B3GALT1: variants seen among roughly 807,000 people sequenced by gnomAD.
The protein encoded by B3GALT1 is beta-1,3-galactosyltransferase 1.
In B3GALT1, 10 loss-of-function variants were observed where a neutral mutation model predicts 23.2. That is an observed-to-expected ratio of 0.43 (90% CI 0.27 to 0.73). B3GALT1 has a LOEUF of 0.73. Among genes scored for constraint, B3GALT1 ranks in the 30% least tolerant of loss-of-function variants. The pLI is 0.21. For missense variants in B3GALT1, 299 were observed against 405.4 expected (o/e 0.74, Z 2.25); for synonymous variants, 156 against 141.5 (o/e 1.10, Z -0.73).
intron 2 of B3GALT1, among the ~76,000 whole-genome samples, chr2:167,511,989 A>AC (rs1700011627): frequency 6.6e-6 from 1 of 152,208 alleles, no homozygotes; most frequent in South Asian, 2.1e-4. Flanking sequence ...TCACATTCTG[A>AC]CAACAGGAGA....
chr2:167,314,882 C>G (rs995540111), intron 1 of B3GALT1, among the ~76,000 whole-genome samples: 3 of 152,028 alleles, frequency 2.0e-5, no homozygotes, highest in African/African-American at 7.2e-5. Flanking sequence ...TAATAAAACT[C>G]TCTTAAATCT....
intron 1 of B3GALT1, among the ~76,000 whole-genome samples, chr2:167,359,247 C>T (rs1299658906): frequency 1.3e-5 from 2 of 152,072 alleles, no homozygotes; most frequent in African/African-American, 4.8e-5. Flanking sequence ...TCTTTGAGTG[C>T]ACACTAGGTC....
chr2:167,828,359 T>G (rs148986677), intron 4 of B3GALT1, among the ~76,000 whole-genome samples: 2 of 152,360 alleles, frequency 1.3e-5, no homozygotes, highest in South Asian at 4.1e-4. Flanking sequence ...TAACCTGTGA[T>G]GAACTGCCGA....
intron 3 of B3GALT1, among the ~76,000 whole-genome samples, chr2:167,742,675 T>A (rs1227347610): frequency 1.3e-5 from 2 of 152,186 alleles, no homozygotes; most frequent in Non-Finnish European, 2.9e-5. Flanking sequence ...CCATTTTTTT[T>A]AAGTATGAGC....
intron 1 of B3GALT1, among the ~76,000 whole-genome samples, chr2:167,454,230 T>A: frequency 7.2e-6 from 1 of 138,102 alleles, no homozygotes; most frequent in African/African-American, 2.7e-5. Flanking sequence ...CGCGTGCACG[T>A]GTGTGCATGT....
At chr2:167,796,583 C>A (rs1057437580) in intron 3 of B3GALT1, among the ~76,000 whole-genome samples, 1 of 152,066 alleles carries the variant, frequency 6.6e-6, no homozygotes, top group African/African-American at 2.4e-5. Flanking sequence ...CCCATCTCTA[C>A]TAAAAATACA....
chr2:167,474,401 A>G (rs1699463608), intron 1 of B3GALT1, among the ~76,000 whole-genome samples: 1 of 152,160 alleles, frequency 6.6e-6, no homozygotes, highest in Non-Finnish European at 1.5e-5. Flanking sequence ...TCACAAATAA[A>G]GTGTAGCAAA....
intron 1 of B3GALT1, among the ~76,000 whole-genome samples, chr2:167,429,036 T>A (rs1042157637): frequency 3.9e-5 from 6 of 152,076 alleles, no homozygotes; most frequent in Non-Finnish European, 8.8e-5. Context: ...TCCCAGCACT[T>A]TGGGAGGCTG....
At chr2:167,603,202 G>C (rs1730726) in intron 2 of B3GALT1, among the ~76,000 whole-genome samples, 122,530 of 152,070 alleles carry the variant, frequency 0.81, 49,478 homozygotes, top group Admixed American at 0.88. Context: ...CAGATGTCAT[G>C]TTTCATGTGA....
At chr2:167,837,852 T>A (rs1436635279) in intron 4 of B3GALT1, among the ~76,000 whole-genome samples, 1 of 151,852 alleles carries the variant, frequency 6.6e-6, no homozygotes, top group East Asian at 1.9e-4. Context: ...GCAATCAAAC[T>A]AGAACTCAGG....
intron 2 of B3GALT1, among the ~76,000 whole-genome samples, chr2:167,623,211 G>A (rs551045327): frequency 9.2e-5 from 14 of 152,144 alleles, no homozygotes; most frequent in African/African-American, 2.2e-4. Flanking sequence ...AGAGTGTGGC[G>A]ATTCCTCAAG....
intron 1 of B3GALT1, among the ~76,000 whole-genome samples, chr2:167,326,907 C>T (rs1696905303): frequency 6.6e-6 from 1 of 152,036 alleles, no homozygotes. Flanking sequence ...CCAGGCTGGT[C>T]TCTAACTCCT....
intron 2 of B3GALT1, among the ~76,000 whole-genome samples, chr2:167,549,207 G>A (rs939750371): frequency 1.6e-4 from 25 of 152,132 alleles, no homozygotes; most frequent in South Asian, 8.3e-4. Flanking sequence ...AGCAATGCAC[G>A]TATGTATGTT....
chr2:167,773,005 T>A (rs1688098216), intron 3 of B3GALT1, among the ~76,000 whole-genome samples: 1 of 152,198 alleles, frequency 6.6e-6, no homozygotes, highest in South Asian at 2.1e-4. Flanking sequence ...AAGGAAAATA[T>A]CCTATTAATT....
At chr2:167,529,264 G>A (rs1683278420) in intron 2 of B3GALT1, among the ~76,000 whole-genome samples, 1 of 151,772 alleles carries the variant, frequency 6.6e-6, no homozygotes, top group Admixed American at 6.6e-5. Flanking sequence ...CCTAAATGCT[G>A]GCATATCTCA....
intron 3 of B3GALT1, among the ~76,000 whole-genome samples, chr2:167,728,858 T>C (rs1687362905): frequency 6.6e-6 from 1 of 152,194 alleles, no homozygotes; most frequent in Non-Finnish European, 1.5e-5. Flanking sequence ...GAAATGGAGT[T>C]CAGATGTTTT....
chr2:167,638,055 A>G (rs1574183172), intron 2 of B3GALT1, among the ~76,000 whole-genome samples: 2 of 152,144 alleles, frequency 1.3e-5, no homozygotes, highest in East Asian at 3.9e-4. Context: ...ACAGAACACT[A>G]TATAATACTT....
intron 2 of B3GALT1, among the ~76,000 whole-genome samples, chr2:167,635,440 T>C (rs1159412450): frequency 6.6e-6 from 1 of 152,114 alleles, no homozygotes; most frequent in Non-Finnish European, 1.5e-5. Context: ...TGATTGTATA[T>C]TTAAAAAACC....
chr2:167,617,997 C>G (rs1209238042), intron 2 of B3GALT1, among the ~76,000 whole-genome samples: 1 of 152,022 alleles, frequency 6.6e-6, no homozygotes, highest in Admixed American at 6.6e-5. Context: ...TCCTGGCTTT[C>G]TCTTACTTTA....
Sources: gnomAD v4.1 joint callset for allele counts (sites outside exome capture counted in the v4.1 genomes callset) on GRCh38, gnomAD v4.1.1 for gene constraint, MANE v1.5 for transcripts, NCBI Gene and HGNC (gene_info 2026-07-23, HGNC 2026-07-21) for gene names.